Variants in LAMB4 observed in about 807,000 individuals in gnomAD.
LAMB4 encodes the protein laminin subunit beta 4.
Under a neutral mutation model 199.2 loss-of-function variants are expected in LAMB4, and 196 were observed. The observed-to-expected ratio is 0.98, with a 90% CI of 0.88 to 1.11. The LOEUF (loss-of-function observed/expected upper bound fraction) is 1.11, where lower values mean the gene tolerates loss of function less well. LAMB4 is among the 50% of genes least tolerant of loss of function. The probability of loss-of-function intolerance (pLI) is 0.00; values close to 1 mark genes in which losing one functional copy is unlikely to be tolerated. For synonymous variants in LAMB4, 744 were observed against 770.6 expected (o/e 0.97, Z 0.57); for missense variants, 2,080 against 2,171.2 (o/e 0.96, Z 0.83).
At chr7:108,113,670 G>A (rs1482402502) in intron 3 of LAMB4, among the ~76,000 whole-genome samples, 2 of 152,136 alleles carry the variant, frequency 1.3e-5, no homozygotes, top group Non-Finnish European at 2.9e-5. Flanking sequence ...CAGGGCTTGT[G>A]GACCATTTTT....
chr7:108,122,265 C>T (rs563954443), intron 2 of LAMB4, among the ~76,000 whole-genome samples: 9 of 152,318 alleles, frequency 5.9e-5, no homozygotes, highest in African/African-American at 1.9e-4. Flanking sequence ...TCAAAGAGAA[C>T]ATGTAAGGCA....
In LAMB4 at chr7:108,067,924, C is replaced by T. The variant is rs965562708; in HGVS notation, c.2446+92G>A. On this transcript the variant is annotated intron_variant, in intron 19 of 33. Coordinates refer to ENST00000388781, the MANE Select transcript of LAMB4 (RefSeq NM_007356.3). ...ATAATGTAGTCAGGTTTCCAATCTC[C>T]TTCCCATTAAAACCCCCCTCCATGA... 1.5e-4 allele frequency: 230 copies of T among 1,483,912 alleles called. 1 individual carries two copies. Among genetic ancestry groups the T allele is most frequent in the Non-Finnish European group, 1.9e-6 (2 of 1,070,842 alleles). The allele number at this position is 1,483,912 out of a possible 1,614,324, so 91.9% of individuals were successfully genotyped here. A position where few individuals can be genotyped will look rare whatever the true frequency, so the allele number is the denominator to read the frequency against.
At position 108,111,944 on chromosome 7, in the gene LAMB4, C is replaced by A; in HGVS notation, c.195G>T (p.Gly65=). The change falls in exon 4 of 34, where the codon GGG becomes GGT. Residue 65 remains glycine, a splice_region_variant and synonymous_variant. Transcript: ENST00000388781. ...AGTCACAGATGAAGCATTTTTGTTCCCCCTGGAAAACACCATTATTAAAAT... is the reference window on the plus strand; with the variant it reads ...AGTCACAGATGAAGCATTTTTGTTCACCCTGGAAAACACCATTATTAAAAT... ...QKYCILSYLE[G]EQKCFICDSR... 1 of 1,587,476 alleles carries A rather than the reference C, an allele frequency of 6.3e-7. No homozygotes were observed. Among genetic ancestry groups the A allele is most frequent in the Non-Finnish European group, 8.5e-7 (1 of 1,171,908 alleles).
intron 33 of LAMB4, 115 bp from the exon 34 acceptor site, chr7:108,024,293 C>T: frequency 1.9e-6 from 1 of 531,090 alleles, no homozygotes; most frequent in Non-Finnish European, 3.1e-6. Context: ...ATTTAGTTTT[C>T]TGTTTGGATT....
chr7:108,066,524 C>G lies in LAMB4; in HGVS notation c.2523G>C (p.Glu841Asp). The G allele has an allele frequency of 1.2e-6, 2 of 1,614,038 alleles. No homozygotes were observed. The highest frequency in any genetic ancestry group is 1.7e-6 in the Non-Finnish European group (2 of 1,179,988). Reference sequence around the variant, plus strand: ...AGCGATCACAGCGGCGGCCAGACACCTCTCCATGGCAGGGGCACTGTCCTG... The same window carrying G: ...AGCGATCACAGCGGCGGCCAGACACGTCTCCATGGCAGGGGCACTGTCCTG... Reference protein sequence around the residue: ...QVTGQCPCHGEVSGRRCDRCL... With the variant: ...QVTGQCPCHGDVSGRRCDRCL... Residue 841 changes from glutamate to aspartate, a missense_variant, in exon 20 of 34, where the codon GAG (glutamate) becomes GAC (aspartate). Transcript: ENST00000388781.
intron 14 of LAMB4, among the ~76,000 whole-genome samples, chr7:108,082,200 C>T (rs408643): frequency 0.37 from 55,967 of 151,644 alleles, 10,775 homozygotes; most frequent in East Asian, 0.58. Flanking sequence ...CACGGTGGTG[C>T]GCACCTGTAG....
In LAMB4 at chr7:108,057,911, C is replaced by T. The variant is rs748286933; in HGVS notation, c.3300G>A (p.Pro1100=). Residue 1100 remains proline (P), a synonymous_variant, in exon 24 of 34, where the codon CCG becomes CCA. Coordinates refer to ENST00000388781, the MANE Select transcript of LAMB4 (RefSeq NM_007356.3). The part of the protein sequence containing the change: ...SHCDQLTGQC[P]CKLGYGGKRC... ...GTTTCCCGCCGTAACCTAATTTACA[C>T]GGACACTGGCCTGTAAGCTGTGAGA... 13 of 1,612,742 alleles carry T rather than the reference C, an allele frequency of 8.1e-6. No homozygotes were observed. The highest frequency in any genetic ancestry group is 4.4e-5 in the South Asian group (4 of 91,054).
chr7:108,077,452 T>C (rs1048556363), intron 16 of LAMB4, among the ~76,000 whole-genome samples: 4 of 152,176 alleles, frequency 2.6e-5, no homozygotes, highest in Admixed American at 2.6e-4. Context: ...CCCAGCACTT[T>C]GGGAGGCCAA....
At chr7:108,074,713 C>T (rs2150569786) in intron 17 of LAMB4, among the ~76,000 whole-genome samples, 1 of 152,192 alleles carries the variant, frequency 6.6e-6, no homozygotes, top group Admixed American at 6.5e-5. Flanking sequence ...TTACTTATTG[C>T]ATCTATCAAA....
intron 23 of LAMB4, among the ~76,000 whole-genome samples, chr7:108,061,853 A>G (rs1450196894): frequency 6.6e-6 from 1 of 152,192 alleles, no homozygotes; most frequent in East Asian, 1.9e-4. Flanking sequence ...ACTACCTTCA[A>G]AAGACTTGAC....
At chr7:108,049,304 C>CCTTA in intron 27 of LAMB4, 22 bp downstream of exon 27, 1 of 1,324,498 alleles carries the variant, frequency 7.6e-7, no homozygotes, top group Middle Eastern at 2.2e-4. Flanking sequence ...AATGCTTTGA[C>CCTTA]CTTACCATCA....
chr7:108,050,281 A>G (rs1218145395), intron 26 of LAMB4, among the ~76,000 whole-genome samples: 1 of 152,180 alleles, frequency 6.6e-6, no homozygotes, highest in Admixed American at 6.5e-5. Flanking sequence ...ACTTCCCATC[A>G]ATTTTCTTCC....
At chr7:108,056,971 CAAA>C (rs553536221) in intron 24 of LAMB4, among the ~76,000 whole-genome samples, 16 of 51,786 alleles carry the variant, frequency 3.1e-4, no homozygotes, top group African/African-American at 2.2e-4. Context: ...GACCCTGTCT[CAAA>C]AAAAAAAAAA....
chr7:108,025,439 T>TCTTTTCTTTTCTTTCTTTCTTTTC (rs1563024866), intron 33 of LAMB4, among the ~76,000 whole-genome samples: 1 of 127,886 alleles, frequency 7.8e-6, no homozygotes, highest in African/African-American at 4.4e-5. Context: ...TTTCTTTTTT[T>TCTTTTCTTTTCTTTCTTTCTTTTC]TTTTTTGAGA....
At chr7:108,049,585 T>C in intron 26 of LAMB4, 54 bp from the exon 27 acceptor site, 1 of 960,486 alleles carries the variant, frequency 1.0e-6, no homozygotes, top group East Asian at 2.6e-5. Flanking sequence ...AATGAAATTA[T>C]ATATAAGTTA....
At chr7:108,054,722 G>A (rs1249487142) in intron 25 of LAMB4, among the ~76,000 whole-genome samples, 1 of 152,074 alleles carries the variant, frequency 6.6e-6, no homozygotes, top group Non-Finnish European at 1.5e-5. Context: ...CACAGAGGAG[G>A]GGTAAATAAA....
chr7:108,048,663 G>A (rs1047209276), intron 27 of LAMB4, among the ~76,000 whole-genome samples: 5 of 152,034 alleles, frequency 3.3e-5, no homozygotes, highest in Admixed American at 6.6e-5. Context: ...CAAACTTTTA[G>A]GAATTACATG....
intron 23 of LAMB4, among the ~76,000 whole-genome samples, chr7:108,058,358 C>T (rs1412030804): frequency 1.3e-5 from 2 of 152,236 alleles, no homozygotes; most frequent in Non-Finnish European, 2.9e-5. Flanking sequence ...TTTTCACCAA[C>T]TGGATTAGCG....
intron 2 of LAMB4, among the ~76,000 whole-genome samples, chr7:108,117,329 C>T (rs2038441747): frequency 6.6e-6 from 1 of 152,194 alleles, no homozygotes. Context: ...AACTGTTAAA[C>T]ATCTATACGG....
Sources: allele counts gnomAD v4.1 joint callset (sites outside exome capture counted in the v4.1 genomes callset), GRCh38; gene constraint gnomAD v4.1.1; transcripts MANE v1.5; gene names NCBI Gene and HGNC (gene_info 2026-07-23, HGNC 2026-07-21).